REEP1: variants seen among roughly 807,000 people sequenced by gnomAD.
The protein encoded by REEP1 is receptor expression-enhancing protein 1.
A neutral mutation model predicts 40.3 loss-of-function variants in REEP1; 22 were observed. That is an observed-to-expected ratio of 0.55 (90% CI 0.39 to 0.78). The LOEUF (loss-of-function observed/expected upper bound fraction) is 0.78. REEP1 is among the 30% of genes least tolerant of loss of function. The pLI, the probability that REEP1 is intolerant of heterozygous loss-of-function variation, is 0.00. For synonymous variants in REEP1, 116 were observed against 139.2 expected, an observed-to-expected ratio of 0.83 and a Z score of 1.17; for missense variants, 280 against 361.1, an observed-to-expected ratio of 0.78 and a Z score of 1.82.
At position 86,254,799 on chromosome 2, in the gene REEP1, A is replaced by G. The variant is rs1444613668; in HGVS notation, c.198T>C (p.Tyr66=). ...AGGCTACAAATGCTATTTTTAGTTC[A>G]TAATAGAATGGAAACCTGGAGAGAG... ...DIFLCWFPFY[Y]ELKIAFVAWL... The change falls in exon 4 of 9, where the codon TAT becomes TAC. Residue 66 remains tyrosine (Y), a synonymous_variant. Transcript: ENST00000538924. 17 of 1,613,942 alleles carry G rather than the reference A, an allele frequency of 1.1e-5. No individual in the cohort carries two copies. Among genetic ancestry groups the G allele is most frequent in the Non-Finnish European group, 1.4e-5 (17 of 1,179,948 alleles).
At chr2:86,336,145 C>T (rs767416407) in intron 1 of REEP1, among the ~76,000 whole-genome samples, 56 of 152,188 alleles carry the variant, frequency 3.7e-4, no homozygotes, top group Non-Finnish European at 7.2e-4. Flanking sequence ...GTGTCAGCCA[C>T]TTTCCTGTAT....
intron 1 of REEP1, among the ~76,000 whole-genome samples, chr2:86,307,461 C>A (rs892196349): frequency 2.6e-5 from 4 of 152,110 alleles, no homozygotes; most frequent in Admixed American, 6.6e-5. Flanking sequence ...ATGGATACAG[C>A]CATTAAGAAT....
chr2:86,272,642 C>A (rs1222994751), intron 2 of REEP1, among the ~76,000 whole-genome samples: 2 of 152,224 alleles, frequency 1.3e-5, no homozygotes, highest in Non-Finnish European at 2.9e-5. Flanking sequence ...ACACAGGTAA[C>A]CAATCCCCAA....
chr2:86,220,681 A>T (rs2103966542), intron 7 of REEP1, among the ~76,000 whole-genome samples: 1 of 149,164 alleles, frequency 6.7e-6, no homozygotes, highest in South Asian at 2.2e-4. Context: ...GATAACCTTA[A>T]ACAAAGCTAT....
intron 1 of REEP1, among the ~76,000 whole-genome samples, chr2:86,284,022 G>A (rs1287732992): frequency 1.3e-5 from 2 of 152,100 alleles, no homozygotes; most frequent in Non-Finnish European, 2.9e-5. Context: ...TAGGCCTGGG[G>A]GTGAGGGGGA....
intron 6 of REEP1, among the ~76,000 whole-genome samples, chr2:86,228,662 T>C (rs1034858005): frequency 1.3e-5 from 2 of 152,112 alleles, no homozygotes; most frequent in African/African-American, 4.8e-5. Context: ...TTCTCTGTGT[T>C]GGTCAGGCTG....
At chr2:86,229,537 G>C (rs13007807) in intron 6 of REEP1, among the ~76,000 whole-genome samples, 54,136 of 150,094 alleles carry the variant, frequency 0.36, 12,115 homozygotes, top group Non-Finnish European at 0.5. Flanking sequence ...TAGCCCAAGA[G>C]CCTCTGACCC....
chr2:86,322,192 A>G (rs183803528), intron 1 of REEP1, among the ~76,000 whole-genome samples: 82 of 152,314 alleles, frequency 5.4e-4, no homozygotes, highest in African/African-American at 1.9e-3. Flanking sequence ...GTCATTAAAG[A>G]AGACCCAAAT....
Position 86,295,819 on chromosome 2 carries a change from G to A in REEP1, c.33-13577C>T, listed in dbSNP as rs112347237. ...CTCCCAAGGTGCTAGGATTACAGGC[G>A]TGAGCCACCGCGCCCAGCCCACAGC... On this transcript the variant is annotated intron_variant, in intron 1 of 8. Transcript: ENST00000538924. Among the ~76,000 whole-genome samples, 731 of 152,306 alleles carry A rather than the reference G, an allele frequency of 4.8e-3. 8 individuals carry two copies. Among genetic ancestry groups the A allele is most frequent in the African/African-American group, 0.016 (683 of 41,578 alleles).
chr2:86,264,194 T>C lies in REEP1; in HGVS notation c.106-153A>G, dbSNP rs139506658. 6.6e-3 allele frequency among the ~76,000 whole-genome samples: 998 copies of C among 152,340 alleles called. 9 individuals are homozygous for C. Among genetic ancestry groups the C allele is most frequent in the Non-Finnish European group, 9.8e-3 (670 of 68,024 alleles). On this transcript the variant is annotated intron_variant, in intron 2 of 8. Coordinates refer to ENST00000538924, the MANE Select transcript of REEP1 (RefSeq NM_001371279.1). ...CTTCTCCCTATCCTTCCCCAGCTTATGTCCAGTTCTGCTCCAGATCTTGAA... is the reference window on the plus strand; with the variant it reads ...CTTCTCCCTATCCTTCCCCAGCTTACGTCCAGTTCTGCTCCAGATCTTGAA...
intron 1 of REEP1, among the ~76,000 whole-genome samples, chr2:86,288,711 T>C (rs1678540432): frequency 6.6e-6 from 1 of 152,214 alleles, no homozygotes; most frequent in African/African-American, 2.4e-5. Context: ...ACTGTACCAA[T>C]TTATACTCCT....
intron 3 of REEP1, among the ~76,000 whole-genome samples, chr2:86,256,186 A>G (rs1676549729): frequency 6.7e-6 from 1 of 149,208 alleles, no homozygotes; most frequent in African/African-American, 2.6e-5. Context: ...GTCTCTACTA[A>G]AAAATACAAA....
upstream of REEP1, chr2:86,337,722 C>G (rs1681123142): frequency 1.1e-6 from 1 of 929,972 alleles, no homozygotes; most frequent in Non-Finnish European, 1.3e-6. The surrounding 1 kb of genome is among the most constrained non-coding windows in gnomAD (Gnocchi z 5.8). Flanking sequence ...CGGGGCTCGG[C>G]GGGCCCGCAG....
intron 1 of REEP1, among the ~76,000 whole-genome samples, chr2:86,286,292 T>G (rs183063196): frequency 6.6e-6 from 1 of 152,294 alleles, no homozygotes; most frequent in Non-Finnish European, 1.5e-5. Flanking sequence ...ATCTGGGCAA[T>G]GTCTAGAGAC....
chr2:86,231,838 T>C (rs1675033418), intron 6 of REEP1, among the ~76,000 whole-genome samples: 1 of 152,102 alleles, frequency 6.6e-6, no homozygotes, highest in Admixed American at 6.5e-5. Context: ...TGCTGGTGGA[T>C]CCGATGTCGG....
intron 1 of REEP1, among the ~76,000 whole-genome samples, chr2:86,321,511 CAT>C (rs1466832975): frequency 6.6e-6 from 1 of 152,184 alleles, no homozygotes; most frequent in East Asian, 1.9e-4. Flanking sequence ...ACAAAAATAA[CAT>C]AGCCAATACC....
chr2:86,273,015 C>G (rs1677543684), intron 2 of REEP1, among the ~76,000 whole-genome samples: 1 of 151,854 alleles, frequency 6.6e-6, no homozygotes, highest in South Asian at 2.1e-4. Context: ...TCACAGCTAC[C>G]AGGGTGGCTA....
chr2:86,317,246 G>A (rs6704826), intron 1 of REEP1, among the ~76,000 whole-genome samples: 8,976 of 152,084 alleles, frequency 0.059, 858 homozygotes, highest in African/African-American at 0.2. Flanking sequence ...AACTCTAATT[G>A]CATCCAAATA....
intron 2 of REEP1, among the ~76,000 whole-genome samples, chr2:86,273,693 G>A (rs991200690): frequency 6.6e-6 from 1 of 151,784 alleles, no homozygotes; most frequent in African/African-American, 2.4e-5. Flanking sequence ...ATCTTTTTTT[G>A]CGTCTGATTT....
Sources: allele counts gnomAD v4.1 joint callset (sites outside exome capture counted in the v4.1 genomes callset), GRCh38; gene constraint gnomAD v4.1.1; non-coding constraint Gnocchi (gnomAD v3.1); transcripts MANE v1.5; gene names NCBI Gene and HGNC (gene_info 2026-07-23, HGNC 2026-07-21).